Variants in GADD45A observed in about 807,000 individuals in gnomAD.
GADD45A encodes growth arrest and DNA damage-inducible protein GADD45 alpha.
In GADD45A, 9 loss-of-function variants were observed where a neutral mutation model predicts 17.7. The ratio of observed to expected loss-of-function variants is 0.51; its 90% CI spans 0.31 to 0.89. GADD45A has a LOEUF of 0.89. Ranked by LOEUF, GADD45A falls within the 40% of genes least tolerant of loss-of-function variation. The pLI, the probability that GADD45A is intolerant of heterozygous loss-of-function variation, is 0.05. For missense variants in GADD45A, 149 were observed against 220.6 expected, an observed-to-expected ratio of 0.68 and a Z score of 2.06; for synonymous variants, 95 against 92.2, an observed-to-expected ratio of 1.03 and a Z score of -0.17.
chr1:67,686,083 A>G lies in GADD45A; in HGVS notation c.103A>G (p.Thr35Ala). The G allele has an allele frequency of 6.2e-7, 1 of 1,610,064 alleles. No individual in the cohort carries two copies. Among genetic ancestry groups the G allele is most frequent in the Non-Finnish European group, 8.5e-7 (1 of 1,178,412 alleles). ...GCTCAGCAAAGCCCTGAGTCAGCGC[A>G]CGATCACTGTCGGGGTGTACGAAGC... ...EVLSKALSQR[T>A]ITVGVYEAAK... Residue 35 changes from threonine to alanine, a missense_variant, in exon 2 of 4, where the codon ACG (threonine) becomes GCG (alanine). Transcript: ENST00000370986.
chr1:67,687,285 C>A (rs774942023), intron 3 of GADD45A, among the ~76,000 whole-genome samples: 1 of 152,118 alleles, frequency 6.6e-6, no homozygotes, highest in Non-Finnish European at 1.5e-5. Context: ...CTGTGCAGCT[C>A]TCATCTCATT....
chr1:67,686,260 G>T (rs1265880610), intron 2 of GADD45A, 90 bp from the exon 3 acceptor site: 4 of 1,391,850 alleles, frequency 2.9e-6, no homozygotes, highest in Non-Finnish European at 3.9e-6. Context: ...GGGAGGGGGC[G>T]AGCGGGCCGG....
Position 67,686,510 on chromosome 1 carries a change from C to T in GADD45A, c.307C>T (p.Leu103Phe). The T allele has an allele frequency of 1.2e-6, 2 of 1,613,298 alleles. No individual in the cohort carries two copies. Among genetic ancestry groups the T allele is most frequent in the Non-Finnish European group, 1.7e-6 (2 of 1,179,880 alleles). ...SNPGRLAELL[L>F]LETDAGPAAS... ...CCCGGGCCGGCTGGCGGAGCTCCTG[C>T]TCTTGGAGACCGACGCTGGCCCCGC... Residue 103 changes from leucine (L) to phenylalanine (F), a missense_variant, in exon 3 of 4, where the codon CTC becomes TTC. Physicochemically the swap from Leu to Phe is conservative, Grantham distance 22. Coordinates refer to ENST00000370986, the MANE Select transcript of GADD45A (RefSeq NM_001924.4).
rs537620178 is a variant in GADD45A at position 67,685,228 on chromosome 1, C to T, written c.-267C>T. 31 of 476,928 alleles carry T rather than the reference C, an allele frequency of 6.5e-5. No individual in the cohort carries two copies. In the South Asian group the frequency reaches 7.4e-4, roughly 11 times the overall value. The allele number at this position is 476,928 out of a possible 1,614,324, so 29.5% of individuals were successfully genotyped here. The stretch of plus-strand genomic sequence containing the variant: ...TGGCTGGTAGGCAGTGGCTGGGAGG[C>T]AGCGGCCCAATTAGTGTCGTGCGGC... On this transcript the variant is annotated 5_prime_UTR_variant, in exon 1 of 4. Transcript: ENST00000370986.
In GADD45A at chr1:67,685,234, C is replaced by G. The variant is rs950881441; in HGVS notation, c.-261C>G. 2.1e-6 allele frequency: 1 copy of G among 483,334 alleles called. No individual in the cohort carries two copies. The highest frequency in any genetic ancestry group is 3.6e-6 in the Non-Finnish European group (1 of 275,110). The allele number at this position is 483,334 out of a possible 1,614,324, so 29.9% of individuals were successfully genotyped here. A position where few individuals can be genotyped will look rare whatever the true frequency, so the allele number is the denominator to read the frequency against. On this transcript the variant is annotated 5_prime_UTR_variant, in exon 1 of 4. Coordinates refer to ENST00000370986, the MANE Select transcript of GADD45A (RefSeq NM_001924.4). ...GTAGGCAGTGGCTGGGAGGCAGCGG[C>G]CCAATTAGTGTCGTGCGGCCCGTGG...
chr1:67,685,523 A>T lies in GADD45A; in HGVS notation c.29A>T (p.Glu10Val), dbSNP rs1201494292. MTLEEFSAG[E>V]QKTERMDKVG... ...ACTTTGGAGGAATTCTCGGCTGGAG[A>T]GCAGAAGACCGAAAGGTGAGTCGGC... The change falls in exon 1 of 4, where the codon GAG becomes GTG. Residue 10 changes from glutamate (E) to valine (V), a missense_variant. Coordinates refer to ENST00000370986, the MANE Select transcript of GADD45A (RefSeq NM_001924.4). 5.6e-6 allele frequency: 9 copies of T among 1,610,010 alleles called. No homozygotes were observed. The highest frequency in any genetic ancestry group is 7.6e-6 in the Non-Finnish European group (9 of 1,178,022).
chr1:67,685,534 G>GA lies in GADD45A; in HGVS notation c.43dup (p.Arg15LysfsTer4). ...ATTCTCGGCTGGAGAGCAGAAGACCGAAAGGTGAGTCGGCCTGCGGACTCT... is the reference window on the plus strand; with the variant it reads ...ATTCTCGGCTGGAGAGCAGAAGACCGAAAAGGTGAGTCGGCCTGCGGACTCT... On this transcript the variant is annotated frameshift_variant, in exon 1 of 4. Transcript: ENST00000370986. LOFTEE classifies it high-confidence loss of function. 6.2e-7 allele frequency: 1 copy of GA among 1,608,498 alleles called. No homozygotes were observed. The highest frequency in any genetic ancestry group is 8.5e-7 in the Non-Finnish European group (1 of 1,177,152).
In GADD45A at chr1:67,687,960, G is replaced by A; in HGVS notation, c.*186G>A. On this transcript the variant is annotated 3_prime_UTR_variant, in exon 4 of 4. Transcript: ENST00000370986. The stretch of plus-strand genomic sequence containing the variant: ...GATGACTTTGCAGATGGAAAGAGGT[G>A]AAAATGAAGAAGGAAGCTGTGTTGA... The A allele has an allele frequency of 2.1e-6, 1 of 480,936 alleles. No individual in the cohort carries two copies. The highest frequency in any genetic ancestry group is 4.3e-5 in the South Asian group (1 of 23,304). 29.8% of individuals were successfully genotyped at this position (480,936 alleles called of 1,614,324 possible). A position where few individuals can be genotyped will look rare whatever the true frequency, so the allele number is the denominator to read the frequency against.
chr1:67,686,833 A>AGTCAGCC (rs1646137610), intron 3 of GADD45A, among the ~76,000 whole-genome samples: 1 of 152,230 alleles, frequency 6.6e-6, no homozygotes, highest in Non-Finnish European at 1.5e-5. Context: ...GTGAGTCAGC[A>AGTCAGCC]GTCAGCCCAG....
rs1427616559 is a variant in GADD45A, at chr1:67,687,703, C to T, written c.427C>T (p.Leu143Phe). 2 of 1,613,168 alleles carry T rather than the reference C, an allele frequency of 1.2e-6. No individual in the cohort carries two copies. Among genetic ancestry groups the T allele is most frequent in the African/African-American group, 1.3e-5 (1 of 74,888 alleles). ...ATGGAAGGATCCTGCCTTAAGTCAA[C>T]TTATTTGTTTTTGCCGGGAAAGTCG... ...SQWKDPALSQ[L>F]ICFCRESRYM... The change falls in exon 4 of 4, where the codon CTT (leucine) becomes TTT (phenylalanine). Residue 143 changes from leucine (L) to phenylalanine (F), a missense_variant. Leu to Phe is a conservative substitution (Grantham distance 22). Transcript: ENST00000370986.
intron 3 of GADD45A, 150 bp downstream of exon 3, chr1:67,686,737 G>GA (rs1646137002): frequency 3.1e-6 from 2 of 650,868 alleles, no homozygotes; most frequent in Non-Finnish European, 5.2e-6. Flanking sequence ...TTTCAGCCGA[G>GA]ATGTGCTAGT....
Position 67,686,350 on chromosome 1 carries a change from C to A in GADD45A, c.147C>A (p.Val49=). Residue 49 remains valine (V), a splice_region_variant and synonymous_variant, in exon 3 of 4, where the codon GTC becomes GTA. Transcript: ENST00000370986. ...CACTGGCCCCGCCCGCTGCCCCCAG[C>A]GACCCCGATAACGTGGTGTTGTGCC... is the stretch of plus-strand genomic sequence containing the variant. The part of the protein sequence containing the change: ...GVYEAAKLLN[V]DPDNVVLCLL... The A allele has an allele frequency of 6.2e-7, 1 of 1,610,836 alleles. No individual in the cohort carries two copies. Among genetic ancestry groups the A allele is most frequent in the Non-Finnish European group, 8.5e-7 (1 of 1,178,118 alleles).
At chr1:67,685,675 C>A in intron 1 of GADD45A, 137 bp downstream of exon 1, 2 of 820,344 alleles carry the variant, frequency 2.4e-6, no homozygotes, top group Non-Finnish European at 4.0e-6. Context: ...CTTGCTCCCT[C>A]GGGACTCTCC....
At chr1:67,685,626 G>T in intron 1 of GADD45A, 88 bp downstream of exon 1, 3 of 1,367,428 alleles carry the variant, frequency 2.2e-6, no homozygotes, top group Non-Finnish European at 3.1e-6. Flanking sequence ...AGGCTTGCAG[G>T]GGAGGAAGCT....
At chr1:67,686,679 G>A in intron 3 of GADD45A, 92 bp downstream of exon 3, 1 of 1,145,840 alleles carries the variant, frequency 8.7e-7, no homozygotes, top group Non-Finnish European at 1.2e-6. Context: ...TGTGGTAGGT[G>A]GGGGTCAGGA....
At chr1:67,686,924 T>C (rs1199894570) in intron 3 of GADD45A, among the ~76,000 whole-genome samples, 6 of 152,234 alleles carry the variant, frequency 3.9e-5, no homozygotes, top group African/African-American at 1.4e-4. Context: ...AATGAATTCC[T>C]GGCTCACCCC....
intron 2 of GADD45A, 83 bp downstream of exon 2, chr1:67,686,209 C>G (rs940691311): frequency 5.8e-6 from 8 of 1,387,720 alleles, no homozygotes; most frequent in African/African-American, 1.5e-5. Flanking sequence ...GCCCCTCGCC[C>G]GGCCGCGCCA....
At chr1:67,685,574 C>T (rs1049483833) in intron 1 of GADD45A, 36 bp downstream of exon 1, 1 of 1,584,610 alleles carries the variant, frequency 6.3e-7, no homozygotes, top group Admixed American at 1.8e-5. Context: ...GCCCGAACTT[C>T]TCTTACCTAC....
In GADD45A at chr1:67,686,009, C is replaced by A; in HGVS notation, c.45-16C>A. ...CACCGGGGCTGACGGGACCCCTCGC[C>A]CTTGCCCGCGTGTAGGATGGATAAG... On this transcript the variant is annotated splice_polypyrimidine_tract_variant and intron_variant, in intron 1 of 3. Transcript: ENST00000370986. 6.3e-7 allele frequency: 1 copy of A among 1,582,032 alleles called. No homozygotes were observed. Among genetic ancestry groups the A allele is most frequent in the Non-Finnish European group, 8.6e-7 (1 of 1,161,066 alleles).
Sources: gnomAD v4.1 joint callset for allele counts (sites outside exome capture counted in the v4.1 genomes callset) on GRCh38, gnomAD v4.1.1 for gene constraint, MANE v1.5 for transcripts, NCBI Gene and HGNC (gene_info 2026-07-23, HGNC 2026-07-21) for gene names.